The following CFAP299 variants were observed in gnomAD, a reference collection of about 807,000 sequenced individuals.
CFAP299 encodes the protein cilia- and flagella-associated protein 299.
Under a neutral mutation model 27.0 loss-of-function variants are expected in CFAP299, and 21 were observed. That is an observed-to-expected ratio of 0.78 (90% CI 0.55 to 1.12). The LOEUF (loss-of-function observed/expected upper bound fraction) is 1.12. Among genes scored for constraint, CFAP299 ranks in the 50% most tolerant of loss-of-function variants. The pLI is 0.00. For synonymous variants in CFAP299, 104 were observed against 98.1 expected, an observed-to-expected ratio of 1.06 and a Z score of -0.36; for missense variants, 310 against 276.6, an observed-to-expected ratio of 1.12 and a Z score of -0.86.
intron 3 of CFAP299, among the ~76,000 whole-genome samples, chr4:80,761,186 A>G (rs1375083824): frequency 6.6e-6 from 1 of 152,204 alleles, no homozygotes; most frequent in East Asian, 1.9e-4. Flanking sequence ...TGTTTTAGAA[A>G]TAATTAAATC....
intron 2 of CFAP299, among the ~76,000 whole-genome samples, chr4:80,390,720 C>CATATATGTATATATGTATATAT (rs1208322596): frequency 4.3e-5 from 6 of 138,164 alleles, no homozygotes; most frequent in Non-Finnish European, 9.2e-5. Flanking sequence ...TGTATACACA[C>CATATATGTATATATGTATATAT]ATACATGTAT....
chr4:80,882,445 T>C (rs1019815704), intron 4 of CFAP299, among the ~76,000 whole-genome samples: 4 of 152,040 alleles, frequency 2.6e-5, no homozygotes, highest in African/African-American at 7.2e-5. Context: ...GAGACCATCC[T>C]GGCTAACACG....
At chr4:80,832,061 G>T (rs149245426) in intron 3 of CFAP299, among the ~76,000 whole-genome samples, 13 of 152,214 alleles carry the variant, frequency 8.5e-5, no homozygotes, top group African/African-American at 2.6e-4. Context: ...GTTTTCCTGT[G>T]TCAGAACAAT....
intron 2 of CFAP299, among the ~76,000 whole-genome samples, chr4:80,403,784 C>T (rs570517284): frequency 7.6e-4 from 116 of 152,256 alleles, no homozygotes; most frequent in Non-Finnish European, 1.3e-3. Flanking sequence ...AAGCTCCATA[C>T]GAGCAAATAC....
chr4:80,779,790 C>A (rs914172926), intron 3 of CFAP299, among the ~76,000 whole-genome samples: 4 of 151,908 alleles, frequency 2.6e-5, no homozygotes, highest in Admixed American at 2.0e-4. Context: ...TTTGAGAAGA[C>A]AAAGATTATC....
intron 3 of CFAP299, chr4:80,608,268 A>C (rs1737779343): frequency 1.9e-6 from 2 of 1,056,266 alleles, no homozygotes; most frequent in Admixed American, 2.0e-5. Context: ...GCTATACTTT[A>C]GATAGGAGAT....
At chr4:80,542,450 A>G (rs1183277208) in intron 2 of CFAP299, among the ~76,000 whole-genome samples, 1 of 152,146 alleles carries the variant, frequency 6.6e-6, no homozygotes, top group Non-Finnish European at 1.5e-5. Flanking sequence ...TAGATAAATG[A>G]TCCAGATGTT....
Position 80,963,473 on chromosome 4 carries a change from G to A in CFAP299, c.607-44G>A, listed in dbSNP as rs1457205350. On this transcript the variant is annotated intron_variant, in intron 5 of 5. Transcript: ENST00000358105. Reference sequence around the variant, plus strand: ...AAAAAAAAATTTTAAAAAAGGCCAAGTATTTTTATAGACTTGACTAACAAT... The same window carrying A: ...AAAAAAAAATTTTAAAAAAGGCCAAATATTTTTATAGACTTGACTAACAAT... 5 of 1,352,952 alleles carry A rather than the reference G, an allele frequency of 3.7e-6. No individual in the cohort carries two copies. The South Asian group carries it at 6.7e-5, about 18-fold the overall frequency. 83.8% of individuals were successfully genotyped at this position (1,352,952 alleles called of 1,614,324 possible).
chr4:80,870,702 T>C (rs1733035115), intron 4 of CFAP299: 1 of 985,334 alleles, frequency 1.0e-6, no homozygotes, highest in African/African-American at 1.7e-5. Context: ...CCCTTCTAAA[T>C]AGCATGCAAG....
At chr4:80,927,303 T>C (rs1002292206) in intron 4 of CFAP299, among the ~76,000 whole-genome samples, 57 of 152,090 alleles carry the variant, frequency 3.7e-4, no homozygotes, top group Non-Finnish European at 7.8e-4. Context: ...GTCAAATTCC[T>C]TTCAATATTC....
At chr4:80,792,900 G>A (rs1246193530) in intron 3 of CFAP299, among the ~76,000 whole-genome samples, 1 of 152,086 alleles carries the variant, frequency 6.6e-6, no homozygotes, top group African/African-American at 2.4e-5. Context: ...TTATGTAAAT[G>A]TAGAAATCTA....
chr4:80,328,026 G>A, the CFAP299 span, among the ~76,000 whole-genome samples: 1 of 151,914 alleles, frequency 6.6e-6, no homozygotes, highest in Non-Finnish European at 1.5e-5. Flanking sequence ...TACATTACAA[G>A]TAGAGCCACA....
chr4:80,501,656 T>C (rs1731753314), intron 2 of CFAP299, among the ~76,000 whole-genome samples: 1 of 151,304 alleles, frequency 6.6e-6, no homozygotes. Context: ...GATAAGCTTC[T>C]AAGAATTTGC....
intron 4 of CFAP299, among the ~76,000 whole-genome samples, chr4:80,926,807 A>G (rs1281143147): frequency 6.6e-6 from 1 of 152,128 alleles, no homozygotes; most frequent in East Asian, 1.9e-4. Context: ...TGGAGCAATT[A>G]TAAGGCAATG....
chr4:80,942,413 A>T (rs1456470041), intron 4 of CFAP299, among the ~76,000 whole-genome samples: 1 of 152,158 alleles, frequency 6.6e-6, no homozygotes, highest in Non-Finnish European at 1.5e-5. Context: ...TGATAAGATT[A>T]AGTGAGATAA....
At chr4:80,934,651 A>G (rs1335656048) in intron 4 of CFAP299, among the ~76,000 whole-genome samples, 7 of 151,634 alleles carry the variant, frequency 4.6e-5, no homozygotes, top group Non-Finnish European at 1.0e-4. Context: ...GAATGTATCC[A>G]TTTCTTCTGG....
At chr4:80,823,739 T>C (rs1247973482) in intron 3 of CFAP299, among the ~76,000 whole-genome samples, 1 of 152,192 alleles carries the variant, frequency 6.6e-6, no homozygotes, top group Non-Finnish European at 1.5e-5. Context: ...GTAACTGTTA[T>C]AGCAATGCAT....
chr4:80,562,936 T>G (rs1437588487), intron 2 of CFAP299, among the ~76,000 whole-genome samples: 1 of 151,866 alleles, frequency 6.6e-6, no homozygotes, highest in Non-Finnish European at 1.5e-5. Context: ...ACAAAAATTA[T>G]AAGAAGATAC....
At chr4:80,868,135 A>T (rs1454307714) in intron 3 of CFAP299, among the ~76,000 whole-genome samples, 1 of 152,176 alleles carries the variant, frequency 6.6e-6, no homozygotes, top group African/African-American at 2.4e-5. Flanking sequence ...GTTTATTTCA[A>T]ACATTTTAAA....
Sources: allele counts gnomAD v4.1 joint callset (sites outside exome capture counted in the v4.1 genomes callset), GRCh38; gene constraint gnomAD v4.1.1; transcripts MANE v1.5; gene names NCBI Gene and HGNC (gene_info 2026-07-23, HGNC 2026-07-21).